The following MITF variants were observed in gnomAD, a reference collection of about 807,000 sequenced individuals.
MITF encodes the protein microphthalmia-associated transcription factor.
MITF carries 17 observed loss-of-function variants against 60.5 expected under a neutral mutation model. The observed-to-expected ratio is 0.28, with a 90% confidence interval of 0.19 to 0.42. MITF has a LOEUF of 0.42. Among genes scored for constraint, MITF ranks in the 10% least tolerant of loss-of-function variants. MITF has a pLI of 1.00. For synonymous variants in MITF, 260 were observed against 248.5 expected (o/e 1.05, Z -0.43); for missense variants, 622 against 683.5 (o/e 0.91, Z 1.00).
At chr3:69,763,529 G>T (rs1575677971) in intron 1 of MITF, 3 of 1,104,822 alleles carry the variant, frequency 2.7e-6, no homozygotes, top group Non-Finnish European at 3.3e-6. Context: ...TGCTGCCAAG[G>T]ATCCTGTTAA....
rs149755097 is a variant in MITF at position 69,839,342 on chromosome 3, C to A, written c.105-39792C>A. 3.7e-3 allele frequency among the ~76,000 whole-genome samples: 558 copies of A among 150,740 alleles called. 3 individuals are homozygous for A. The highest frequency in any genetic ancestry group is 0.012 in the African/African-American group (506 of 41,096). ...CCACTGGAAGATAAATGCCCCTTTT[C>A]ATTAACTATAGTATGAGGAACAAAA... On this transcript the variant is annotated intron_variant, in intron 1 of 9. Coordinates refer to ENST00000352241, the MANE Select transcript of MITF (RefSeq NM_001354604.2).
At chr3:69,885,796 T>G (rs947499300) in intron 2 of MITF, among the ~76,000 whole-genome samples, 3 of 152,106 alleles carry the variant, frequency 2.0e-5, no homozygotes, top group Non-Finnish European at 4.4e-5. Flanking sequence ...TTCTTTGTGT[T>G]TTGTTTAGGG....
chr3:69,876,647 T>G (rs2064360718), intron 1 of MITF, among the ~76,000 whole-genome samples: 1 of 152,240 alleles, frequency 6.6e-6, no homozygotes, highest in Non-Finnish European at 1.5e-5. Context: ...AAGGTATTAA[T>G]GCTGTTCGAT....
intron 2 of MITF, among the ~76,000 whole-genome samples, chr3:69,902,849 C>A (rs1475801693): frequency 1.3e-5 from 2 of 151,228 alleles, no homozygotes; most frequent in Non-Finnish European, 2.9e-5. Flanking sequence ...TTAATGTCTG[C>A]CTTTTTTTTT....
intron 1 of MITF, among the ~76,000 whole-genome samples, chr3:69,848,214 A>C (rs1169311471): frequency 1.3e-5 from 2 of 152,198 alleles, no homozygotes; most frequent in Non-Finnish European, 2.9e-5. Context: ...AAGTGAGGGG[A>C]ACATTGTGAT....
At chr3:69,799,954 T>C (rs1313845217) in intron 1 of MITF, among the ~76,000 whole-genome samples, 2 of 152,222 alleles carry the variant, frequency 1.3e-5, no homozygotes, top group Non-Finnish European at 2.9e-5. Flanking sequence ...AATTTTAAAT[T>C]GAGATGTAAT....
chr3:69,843,014 C>G (rs570673776), intron 1 of MITF, among the ~76,000 whole-genome samples: 4 of 152,294 alleles, frequency 2.6e-5, no homozygotes, highest in African/African-American at 7.2e-5. Context: ...ACTTTCAGTT[C>G]CACTGCCAGA....
At chr3:69,764,195 G>C (rs762850804) in intron 1 of MITF, among the ~76,000 whole-genome samples, 2 of 152,190 alleles carry the variant, frequency 1.3e-5, no homozygotes, top group African/African-American at 4.8e-5. Context: ...ATTTTTGGCA[G>C]TGTTGGTATT....
chr3:69,867,358 A>G (rs1206114679), intron 1 of MITF, among the ~76,000 whole-genome samples: 1 of 152,190 alleles, frequency 6.6e-6, no homozygotes, highest in Non-Finnish European at 1.5e-5. Flanking sequence ...CCATAAGTTT[A>G]AGTGTGGGTT....
At chr3:69,936,720 G>C (rs375941772) in intron 2 of MITF, 1 of 1,613,460 alleles carries the variant, frequency 6.2e-7, no homozygotes, top group Non-Finnish European at 8.5e-7. Flanking sequence ...CTAAAACATT[G>C]TTATGCTGGA....
chr3:69,864,526 C>A (rs980072602), intron 1 of MITF, among the ~76,000 whole-genome samples: 2 of 152,188 alleles, frequency 1.3e-5, no homozygotes, highest in African/African-American at 4.8e-5. Context: ...CCATCACCTC[C>A]TACCAGGACT....
intron 5 of MITF, among the ~76,000 whole-genome samples, chr3:69,946,040 G>A (rs2066086938): frequency 6.6e-6 from 1 of 152,216 alleles, no homozygotes; most frequent in Non-Finnish European, 1.5e-5. Context: ...AAACTGTAAA[G>A]TGGGAATCCA....
rs980777706 is a variant in MITF at position 69,795,289 on chromosome 3, A to C, written c.104+55588A>C. Among the ~76,000 whole-genome samples the C allele has an allele frequency of 3.6e-4, 55 of 152,352 alleles. 1 individual carries two copies. The Middle Eastern group carries it at 0.01, about 28-fold the overall frequency. ...AATAGATGCCATGAAACATGCATTA[A>C]AATTAATATTTGCCTCTTTTTAAGA... On this transcript the variant is annotated intron_variant, in intron 1 of 9. Coordinates refer to ENST00000352241, the MANE Select transcript of MITF (RefSeq NM_001354604.2).
chr3:69,959,359 A>G lies in MITF; in HGVS notation c.1118A>G (p.Glu373Gly), dbSNP rs376516055. Residue 373 changes from glutamate to glycine, a missense_variant, in exon 9 of 10, where the codon GAA becomes GGA. Glu to Gly is a moderately conservative substitution (Grantham distance 98). Transcript: ENST00000352241. ...KLQREQQRAK[E>G]LENRQKKLEH... ...CAACGAGAACAGCAACGCGCAAAAG[A>G]ACTTGAAAACCGACAGAAGAAACTG... 4 of 1,613,980 alleles carry G rather than the reference A, an allele frequency of 2.5e-6. No homozygotes were observed. Among genetic ancestry groups the G allele is most frequent in the African/African-American group, 1.3e-5 (1 of 75,026 alleles).
At chr3:69,849,109 C>T (rs1027583017) in intron 1 of MITF, among the ~76,000 whole-genome samples, 30 of 149,946 alleles carry the variant, frequency 2.0e-4, no homozygotes, top group Admixed American at 1.4e-3. Flanking sequence ...GGACTACAGG[C>T]GCCCGCCACT....
chr3:69,898,384 G>A (rs2064924671), intron 2 of MITF, among the ~76,000 whole-genome samples: 2 of 152,366 alleles, frequency 1.3e-5, no homozygotes, highest in South Asian at 4.1e-4. Context: ...GACTGAGGCT[G>A]GAGAGATAGG....
Position 69,959,338 on chromosome 3 carries a change from G to A in MITF, c.1097G>A (p.Arg366Gln), listed in dbSNP as rs762920442. 3.7e-6 allele frequency: 6 copies of A among 1,613,870 alleles called. No individual in the cohort carries two copies. Among genetic ancestry groups the A allele is most frequent in the East Asian group, 2.2e-5 (1 of 44,854 alleles). ...ASVDYIRKLQ[R>Q]EQQRAKELEN... Reference sequence around the variant, plus strand: ...GTGGACTATATCCGAAAGTTGCAACGAGAACAGCAACGCGCAAAAGAACTT... The same window carrying A: ...GTGGACTATATCCGAAAGTTGCAACAAGAACAGCAACGCGCAAAAGAACTT... The change falls in exon 9 of 10, where the codon CGA (arginine) becomes CAA (glutamine). Residue 366 changes from arginine to glutamine, a missense_variant. Around this residue, in one of 5 missense-constraint regions of MITF, gnomAD observed 224 missense variants for 209.5 expected, o/e 1.07. Transcript: ENST00000352241.
At chr3:69,938,151 GC>G in intron 3 of MITF, 102 bp downstream of exon 3, 1 of 1,343,422 alleles carries the variant, frequency 7.4e-7, no homozygotes, top group Non-Finnish European at 1.0e-6. Context: ...TGTCCTTGTG[GC>G]CACATTTACC....
At chr3:69,957,349 G>A (rs1347182529) in intron 8 of MITF, among the ~76,000 whole-genome samples, 1 of 152,184 alleles carries the variant, frequency 6.6e-6, no homozygotes, top group Non-Finnish European at 1.5e-5. Flanking sequence ...CTAATAAAAT[G>A]TAAAGATGAA....
Sources: gnomAD v4.1 joint callset for allele counts (sites outside exome capture counted in the v4.1 genomes callset) on GRCh38, gnomAD v4.1.1 for gene constraint, gnomAD v4.1.1 regional missense constraint, MANE v1.5 for transcripts, NCBI Gene and HGNC (gene_info 2026-07-23, HGNC 2026-07-21) for gene names.